The following VWA3B variants were observed in gnomAD, a reference collection of about 807,000 sequenced individuals.
VWA3B encodes von Willebrand factor A domain-containing protein 3B.
Under a neutral mutation model 158.3 loss-of-function variants are expected in VWA3B, and 138 were observed. The ratio of observed to expected loss-of-function variants is 0.87; its 90% CI spans 0.76 to 1.00. The LOEUF (loss-of-function observed/expected upper bound fraction) is 1.00. Ranked by LOEUF, VWA3B falls within the 50% of genes least tolerant of loss-of-function variation. The pLI is 0.00. For missense variants in VWA3B, 1,555 were observed against 1,565.1 expected (o/e 0.99, Z 0.11); for synonymous variants, 596 against 587.3 (o/e 1.01, Z -0.21).
At chr2:98,169,715 C>CTGTGTGTGTGTGTGTG (rs61535424) in intron 8 of VWA3B, among the ~76,000 whole-genome samples, 1 of 134,242 alleles carries the variant, frequency 7.4e-6, no homozygotes, top group Non-Finnish European at 1.6e-5. Context: ...CCTGGGCATT[C>CTGTGTGTGTGTGTGTG]TGTGTGTGTG....
chr2:98,240,933 G>T (rs1451069064), intron 19 of VWA3B, among the ~76,000 whole-genome samples: 1 of 152,164 alleles, frequency 6.6e-6, no homozygotes, highest in Non-Finnish European at 1.5e-5. Flanking sequence ...TATGCCTATT[G>T]TATATGCCTG....
chr2:98,245,888 G>T (rs1349135413), intron 19 of VWA3B, among the ~76,000 whole-genome samples: 2 of 151,988 alleles, frequency 1.3e-5, no homozygotes, highest in Non-Finnish European at 2.9e-5. Context: ...ATTTCTACAA[G>T]CTTCATTCTG....
chr2:98,167,582 G>A (rs1194489549), intron 8 of VWA3B, among the ~76,000 whole-genome samples: 1 of 152,178 alleles, frequency 6.6e-6, no homozygotes, highest in African/African-American at 2.4e-5. Context: ...TGAGCTGAGG[G>A]TCTGGAGGGA....
At chr2:98,243,397 G>A in intron 19 of VWA3B, among the ~76,000 whole-genome samples, 1 of 151,830 alleles carries the variant, frequency 6.6e-6, no homozygotes, top group Non-Finnish European at 1.5e-5. Context: ...GCAATGGTGT[G>A]ATCTCTGTTC....
intron 26 of VWA3B, 50 bp downstream of exon 26, chr2:98,303,852 C>A (rs1033743203): frequency 3.8e-6 from 6 of 1,562,120 alleles, no homozygotes; most frequent in Non-Finnish European, 5.3e-6. Context: ...TATCCTTGCA[C>A]CTTTAATCTG....
chr2:98,326,446 G>T, the VWA3B span, among the ~76,000 whole-genome samples: 1 of 152,210 alleles, frequency 6.6e-6, no homozygotes, highest in African/African-American at 2.4e-5. Flanking sequence ...TTTAGCTGGT[G>T]AATTTTATCA....
In VWA3B at chr2:98,238,489, A is replaced by C. The variant is rs139785345; in HGVS notation, c.2673+1759A>C. Among the ~76,000 whole-genome samples, 20 of 152,214 alleles carry C rather than the reference A, an allele frequency of 1.3e-4. No homozygotes were observed. The East Asian group carries it at 2.5e-3, about 19-fold the overall frequency. Reference sequence around the variant, plus strand: ...ATTTGGGACGAAATATATTTAGTGAACTCTACTTAGAAATAGAATTTTCTT... The same window carrying C: ...ATTTGGGACGAAATATATTTAGTGACCTCTACTTAGAAATAGAATTTTCTT... On this transcript the variant is annotated intron_variant, in intron 19 of 27. Transcript: ENST00000477737.
At position 98,181,121 on chromosome 2, in the gene VWA3B, A is replaced by C. The variant is rs1310748772; in HGVS notation, c.1220A>C (p.Tyr407Ser). The change falls in exon 9 of 28, where the codon TAT (tyrosine) becomes TCT (serine). Residue 407 changes from tyrosine to serine, a missense_variant. Physicochemically the swap from Tyr to Ser is moderately radical, Grantham distance 144 (BLOSUM62 -2). Transcript: ENST00000477737. ...TTGAAGGCCCAGAAGCTATCCTTGT[A>C]TGATGTGCTTGCCGACTGCTCTTTC... ...YGLKAQKLSL[Y>S]DVLADCSFRH... 6.2e-7 allele frequency: 1 copy of C among 1,614,080 alleles called. No homozygotes were observed. Among genetic ancestry groups the C allele is most frequent in the African/African-American group, 1.3e-5 (1 of 74,914 alleles).
chr2:98,170,751 T>C lies in VWA3B; in HGVS notation c.1114+7775T>C, dbSNP rs370405404. Among the ~76,000 whole-genome samples, 833 of 151,994 alleles carry C rather than the reference T, an allele frequency of 5.5e-3. 10 individuals are homozygous for C. Among genetic ancestry groups the C allele is most frequent in the African/African-American group, 0.019 (801 of 41,440 alleles). On this transcript the variant is annotated intron_variant, in intron 8 of 27. Coordinates refer to ENST00000477737, the MANE Select transcript of VWA3B (RefSeq NM_144992.5). ...CCTCCTGAGTAGCTGGGACTACAGG[T>C]GTGCGCCACCATGCCCAACTAATTT... is the stretch of plus-strand genomic sequence containing the variant.
chr2:98,198,853 G>A (rs574300219), intron 12 of VWA3B, among the ~76,000 whole-genome samples: 15 of 152,220 alleles, frequency 9.9e-5, no homozygotes, highest in South Asian at 4.1e-4. Flanking sequence ...TTGGGAGGCC[G>A]AGGCAGGCGG....
chr2:98,156,849 A>T lies in VWA3B; in HGVS notation c.989-6002A>T, dbSNP rs541237895. On this transcript the variant is annotated intron_variant, in intron 7 of 27. Coordinates refer to ENST00000477737, the MANE Select transcript of VWA3B (RefSeq NM_144992.5). ...GAGCATCTTTGCATCTGTTCCTTAG[A>T]TATTATTTCTCTGTCTCCTTCCCTG... Among the ~76,000 whole-genome samples, 7 of 152,202 alleles carry T rather than the reference A, an allele frequency of 4.6e-5. No individual in the cohort carries two copies. The South Asian group carries it at 1.5e-3, about 32-fold the overall frequency.
intron 20 of VWA3B, among the ~76,000 whole-genome samples, chr2:98,251,969 C>G (rs1686825776): frequency 6.6e-6 from 1 of 152,176 alleles, no homozygotes; most frequent in Admixed American, 6.5e-5. Flanking sequence ...GCAGGATGAG[C>G]TATTCAAGGC....
At chr2:98,223,361 A>G (rs1684666993) in intron 14 of VWA3B, among the ~76,000 whole-genome samples, 1 of 152,016 alleles carries the variant, frequency 6.6e-6, no homozygotes, top group Non-Finnish European at 1.5e-5. Flanking sequence ...ATGACAAAAT[A>G]TCCAGCATTA....
intron 14 of VWA3B, among the ~76,000 whole-genome samples, chr2:98,221,416 C>T (rs1684498492): frequency 2.0e-5 from 3 of 152,194 alleles, no homozygotes; most frequent in Admixed American, 2.0e-4. Context: ...GAAAAAACTG[C>T]ATCCCCTCCC....
intron 19 of VWA3B, among the ~76,000 whole-genome samples, chr2:98,242,757 C>G (rs529253282): frequency 1.3e-5 from 2 of 149,588 alleles, no homozygotes; most frequent in South Asian, 4.4e-4. Flanking sequence ...CATTTGCTAT[C>G]ATCAAATATC....
At chr2:98,223,087 C>T (rs1383037572) in intron 14 of VWA3B, among the ~76,000 whole-genome samples, 1 of 152,012 alleles carries the variant, frequency 6.6e-6, no homozygotes, top group Non-Finnish European at 1.5e-5. Flanking sequence ...ATTACAAATC[C>T]TCTTGAAACA....
intron 12 of VWA3B, chr2:98,207,824 A>C (rs1198813319): frequency 4.5e-6 from 1 of 222,092 alleles, no homozygotes; most frequent in Non-Finnish European, 9.1e-6. Context: ...TGTAAGCCAC[A>C]TGAGAACCTT....
intron 26 of VWA3B, among the ~76,000 whole-genome samples, chr2:98,305,057 C>T (rs1490765891): frequency 6.6e-6 from 1 of 152,140 alleles, no homozygotes; most frequent in Non-Finnish European, 1.5e-5. Context: ...CAGTGAGCTC[C>T]GCCCTCACTG....
intron 12 of VWA3B, chr2:98,206,540 A>G (rs1039645719): frequency 1.6e-5 from 8 of 501,190 alleles, no homozygotes; most frequent in East Asian, 4.8e-5. Flanking sequence ...TGGTGCACCA[A>G]TCGAAAGTCC....
Sources: gnomAD v4.1 joint callset for allele counts (sites outside exome capture counted in the v4.1 genomes callset) on GRCh38, gnomAD v4.1.1 for gene constraint, MANE v1.5 for transcripts, NCBI Gene and HGNC (gene_info 2026-07-23, HGNC 2026-07-21) for gene names.